Variants in KATNBL1 observed in about 807,000 individuals in gnomAD.
KATNBL1 encodes the protein katanin regulatory subunit B1 like 1.
Under a neutral mutation model 44.7 loss-of-function variants are expected in KATNBL1, and 28 were observed. The ratio of observed to expected loss-of-function variants is 0.63; its 90% CI spans 0.46 to 0.86. The LOEUF (loss-of-function observed/expected upper bound fraction) is 0.86, where lower values mean the gene tolerates loss of function less well. Ranked by LOEUF, KATNBL1 falls within the 40% of genes least tolerant of loss-of-function variation. The probability of loss-of-function intolerance (pLI) is 0.00; values close to 1 mark genes in which losing one functional copy is unlikely to be tolerated. For synonymous variants in KATNBL1, 78 were observed against 114.9 expected (o/e 0.68, Z 2.06); for missense variants, 272 against 350.7 (o/e 0.78, Z 1.79).
At chr15:34,163,154 C>T (rs1448295404) in intron 2 of KATNBL1, among the ~76,000 whole-genome samples, 1 of 151,922 alleles carries the variant, frequency 6.6e-6, no homozygotes, top group Non-Finnish European at 1.5e-5. Flanking sequence ...AGTGATTCTC[C>T]TCCCTCAGCC....
chr15:34,170,852 T>C (rs1597443384), intron 1 of KATNBL1, among the ~76,000 whole-genome samples: 1 of 152,202 alleles, frequency 6.6e-6, no homozygotes, highest in African/African-American at 2.4e-5. Context: ...CCCTATTTCA[T>C]AAACGGTGCT....
At chr15:34,169,516 G>C (rs886974325) in intron 1 of KATNBL1, among the ~76,000 whole-genome samples, 4 of 152,152 alleles carry the variant, frequency 2.6e-5, no homozygotes, top group African/African-American at 9.7e-5. Context: ...GAAGCACAAA[G>C]AGGAGCTGGT....
chr15:34,190,602 T>C (rs1179038423), intron 1 of KATNBL1, among the ~76,000 whole-genome samples: 3 of 152,180 alleles, frequency 2.0e-5, no homozygotes, highest in Admixed American at 2.0e-4. Context: ...AATTTGAGCA[T>C]CAATAGAAAG....
In KATNBL1 at chr15:34,148,645, C is replaced by T. The variant is rs765281609; in HGVS notation, c.544G>A (p.Ala182Thr). The change falls in exon 5 of 10, where the codon GCT becomes ACT. Residue 182 changes from alanine (A) to threonine (T), a missense_variant. Ala to Thr is a moderately conservative substitution (Grantham distance 58). Transcript: ENST00000256544. ...WRKRSISELVAYLLRIEDLGV... is the reference protein window; with the variant it reads ...WRKRSISELVTYLLRIEDLGV... ...GGTCACACTTACCTCAACAAATAAG[C>T]TACAAGTTCACTTATACTTCTCTTT... 2.6e-6 allele frequency: 4 copies of T among 1,559,342 alleles called. No individual in the cohort carries two copies. The South Asian group carries it at 3.3e-5, about 13-fold the overall frequency.
intron 2 of KATNBL1, among the ~76,000 whole-genome samples, chr15:34,160,477 G>C (rs930598055): frequency 6.6e-6 from 1 of 152,104 alleles, no homozygotes; most frequent in Admixed American, 6.5e-5. Flanking sequence ...ATCTGGGGGG[G>C]TCTTCTAATT....
intron 8 of KATNBL1, chr15:34,146,422 C>A (rs1888312147): frequency 1.1e-5 from 2 of 183,784 alleles, no homozygotes; most frequent in Non-Finnish European, 2.3e-5. Flanking sequence ...AGGTAAAGGA[C>A]CCCGCAGGGT....
In KATNBL1 at chr15:34,178,616, T is replaced by C. The variant is rs57604399; in HGVS notation, c.-14-14926A>G. Among the ~76,000 whole-genome samples, 283 of 151,830 alleles carry C rather than the reference T, an allele frequency of 1.9e-3. 1 individual carries two copies. The highest frequency in any genetic ancestry group is 6.5e-3 in the African/African-American group (269 of 41,404). On this transcript the variant is annotated intron_variant, in intron 1 of 9. Coordinates refer to ENST00000256544, the MANE Select transcript of KATNBL1 (RefSeq NM_024713.3). Reference sequence around the variant, plus strand: ...ACTAAAAATACAAAAATTAGCCAGGTGTGGTGGTGGGCACTTGTAGTCCCA... The same window carrying C: ...ACTAAAAATACAAAAATTAGCCAGGCGTGGTGGTGGGCACTTGTAGTCCCA...
intron 2 of KATNBL1, among the ~76,000 whole-genome samples, chr15:34,160,242 G>A (rs377112604): frequency 1.4e-4 from 22 of 152,204 alleles, no homozygotes; most frequent in Middle Eastern, 3.4e-3. Context: ...CCTGGAGAGC[G>A]GGGGTCTAGC....
chr15:34,181,667 CATAT>C (rs199717503), intron 1 of KATNBL1, among the ~76,000 whole-genome samples: 4,214 of 95,322 alleles, frequency 0.044, 887 homozygotes, highest in Middle Eastern at 0.064. Context: ...TATATATATC[CATAT>C]ATATACACAT....
chr15:34,193,704 T>C (rs1196292161), intron 1 of KATNBL1, among the ~76,000 whole-genome samples: 1 of 150,122 alleles, frequency 6.7e-6, no homozygotes, highest in Non-Finnish European at 1.5e-5. Flanking sequence ...ATACAAAAAT[T>C]AGCCGGGCAT....
At position 34,202,781 on chromosome 15, in the gene KATNBL1, C is replaced by T. The variant is rs7178251; in HGVS notation, c.-15+7170G>A. 6.7e-3 allele frequency among the ~76,000 whole-genome samples: 1,023 copies of T among 152,076 alleles called. 13 individuals carry two copies. The highest frequency in any genetic ancestry group is 0.023 in the African/African-American group (967 of 41,510). The stretch of plus-strand genomic sequence containing the variant: ...CTAGGTGGGCGGATTGCCTGAGGTC[C>T]GGAGTTCGAGACCAGCCTGGCTAAT... On this transcript the variant is annotated intron_variant, in intron 1 of 9. Transcript: ENST00000256544.
chr15:34,169,495 G>A (rs949407012), intron 1 of KATNBL1, among the ~76,000 whole-genome samples: 1 of 152,114 alleles, frequency 6.6e-6, no homozygotes, highest in Admixed American at 6.5e-5. Flanking sequence ...ATTCACAGCC[G>A]AATTCTACCA....
chr15:34,169,600 T>A (rs966891402), intron 1 of KATNBL1, among the ~76,000 whole-genome samples: 2 of 152,172 alleles, frequency 1.3e-5, no homozygotes, highest in African/African-American at 2.4e-5. Flanking sequence ...GAGGCCAGCA[T>A]CATCCTGATA....
intron 1 of KATNBL1, among the ~76,000 whole-genome samples, chr15:34,195,737 T>G (rs1490405323): frequency 6.9e-6 from 1 of 145,468 alleles, no homozygotes; most frequent in Admixed American, 6.7e-5. Flanking sequence ...AACCCACAAA[T>G]AATTTTTTTA....
intron 1 of KATNBL1, among the ~76,000 whole-genome samples, chr15:34,177,129 G>A (rs965651133): frequency 3.3e-5 from 5 of 152,146 alleles, no homozygotes; most frequent in Non-Finnish European, 7.3e-5. Flanking sequence ...TACACTAACT[G>A]TATATAACTA....
At chr15:34,193,217 A>AG (rs1597460027) in intron 1 of KATNBL1, among the ~76,000 whole-genome samples, 1 of 18,380 alleles carries the variant, frequency 5.4e-5, no homozygotes, top group Admixed American at 9.6e-4. Flanking sequence ...ACTCCGTCTC[A>AG]AAAAAAAAAA....
chr15:34,177,491 A>G (rs1023391562), intron 1 of KATNBL1, among the ~76,000 whole-genome samples: 1 of 152,066 alleles, frequency 6.6e-6, no homozygotes, highest in South Asian at 2.1e-4. Context: ...CTAAAAATAT[A>G]AAACTAGCTG....
In KATNBL1 at chr15:34,141,427, A is replaced by G. The variant is rs1232765417; in HGVS notation, c.*912T>C. ...AATATTTAGTGAATTTACTCAAATG[A>G]AGGAAGTTTAAATGATACAGGAATG... On this transcript the variant is annotated 3_prime_UTR_variant, in exon 10 of 10. Coordinates refer to ENST00000256544, the MANE Select transcript of KATNBL1 (RefSeq NM_024713.3). 1.3e-5 allele frequency: 2 copies of G among 152,618 alleles called. No individual in the cohort carries two copies. Among genetic ancestry groups the G allele is most frequent in the African/African-American group, 4.8e-5 (2 of 41,470 alleles). 9.5% of individuals were successfully genotyped at this position (152,618 alleles called of 1,614,324 possible).
chr15:34,154,252 C>A (rs1888569793), intron 3 of KATNBL1, among the ~76,000 whole-genome samples: 1 of 152,214 alleles, frequency 6.6e-6, no homozygotes. Flanking sequence ...CATGAATGGT[C>A]TTTAGGGACC....
Sources: allele counts gnomAD v4.1 joint callset (sites outside exome capture counted in the v4.1 genomes callset), GRCh38; gene constraint gnomAD v4.1.1; transcripts MANE v1.5; gene names NCBI Gene and HGNC (gene_info 2026-07-23, HGNC 2026-07-21).